C3orf70: variants seen among roughly 807,000 people sequenced by gnomAD.
The protein encoded by C3orf70 is chromosome 3 open reading frame 70.
Under a neutral mutation model 20.7 loss-of-function variants are expected in C3orf70, and 15 were observed. The ratio of observed to expected loss-of-function variants is 0.72; its 90% CI spans 0.48 to 1.11. The LOEUF (loss-of-function observed/expected upper bound fraction) is 1.11. Among genes scored for constraint, C3orf70 ranks in the 50% most tolerant of loss-of-function variants. The probability of loss-of-function intolerance (pLI) is 0.00; values close to 1 mark genes in which losing one functional copy is unlikely to be tolerated. For synonymous variants in C3orf70, 161 were observed against 125.7 expected, an observed-to-expected ratio of 1.28 and a Z score of -1.88; for missense variants, 332 against 317.6, an observed-to-expected ratio of 1.05 and a Z score of -0.34.
intron 1 of C3orf70, among the ~76,000 whole-genome samples, chr3:185,108,934 C>T (rs866045048): frequency 4.6e-5 from 7 of 152,282 alleles, no homozygotes; most frequent in Non-Finnish European, 8.8e-5. Flanking sequence ...CAGTGTTTTG[C>T]GGTGATGGGC....
intron 1 of C3orf70, among the ~76,000 whole-genome samples, chr3:185,113,152 T>C (rs1403686643): frequency 1.3e-5 from 2 of 151,982 alleles, no homozygotes; most frequent in Admixed American, 6.6e-5. Flanking sequence ...AGAAAGTTAA[T>C]GGCAATGTAG....
At chr3:185,086,602 C>T (rs1030303161) in intron 1 of C3orf70, among the ~76,000 whole-genome samples, 1 of 152,164 alleles carries the variant, frequency 6.6e-6, no homozygotes, top group Non-Finnish European at 1.5e-5. Flanking sequence ...GAGAAATACA[C>T]GTTTGTTGTT....
At chr3:185,136,922 AACAACAAC>A (rs1173685833) in intron 1 of C3orf70, among the ~76,000 whole-genome samples, 1 of 51,578 alleles carries the variant, frequency 1.9e-5, no homozygotes, top group African/African-American at 4.4e-5. Context: ...CAACAACAAC[AACAACAAC>A]AACAACAACA....
At chr3:185,127,664 T>G (rs1169218520) in intron 1 of C3orf70, among the ~76,000 whole-genome samples, 1 of 152,128 alleles carries the variant, frequency 6.6e-6, no homozygotes, top group African/African-American at 2.4e-5. Context: ...GGTCTCGAAC[T>G]CCTGACCTCA....
chr3:185,095,572 A>G (rs1245303079), intron 1 of C3orf70, among the ~76,000 whole-genome samples: 2 of 152,336 alleles, frequency 1.3e-5, no homozygotes, highest in South Asian at 2.1e-4. Flanking sequence ...AAGAAAAAGA[A>G]GATCTTGAAG....
intron 1 of C3orf70, among the ~76,000 whole-genome samples, chr3:185,127,731 T>C (rs1577330608): frequency 6.6e-6 from 1 of 152,054 alleles, no homozygotes. Context: ...TGAGCCACCA[T>C]GACCGGCCAC....
At chr3:185,099,450 A>G (rs994749467) in intron 1 of C3orf70, among the ~76,000 whole-genome samples, 1 of 152,328 alleles carries the variant, frequency 6.6e-6, no homozygotes, top group East Asian at 1.9e-4. Context: ...CCAACACAGA[A>G]TTTCATATCC....
At position 185,115,159 on chromosome 3, in the gene C3orf70, T is replaced by A. The variant is rs78983968; in HGVS notation, c.197-31596A>T. ...GATGGTACTCTGGCATATATTTTTT[T>A]AAAAGCTTCTCAAGTGACTCCAATG... On this transcript the variant is annotated intron_variant, in intron 1 of 1. Coordinates refer to ENST00000335012, the MANE Select transcript of C3orf70 (RefSeq NM_001025266.3). Among the ~76,000 whole-genome samples, 1,071 of 152,304 alleles carry A rather than the reference T, an allele frequency of 7.0e-3. 18 individuals carry two copies. Among genetic ancestry groups the A allele is most frequent in the African/African-American group, 0.025 (1,029 of 41,568 alleles).
At chr3:185,093,779 G>C (rs972243679) in intron 1 of C3orf70, among the ~76,000 whole-genome samples, 2 of 151,906 alleles carry the variant, frequency 1.3e-5, no homozygotes, top group African/African-American at 4.8e-5. Flanking sequence ...ATAATGGGGG[G>C]CGGGGGGACG....
chr3:185,102,362 A>G (rs1183790976), intron 1 of C3orf70, among the ~76,000 whole-genome samples: 1 of 152,216 alleles, frequency 6.6e-6, no homozygotes, highest in African/African-American at 2.4e-5. Flanking sequence ...GGGAGGTGAA[A>G]GATCTCTCCA....
intron 1 of C3orf70, among the ~76,000 whole-genome samples, chr3:185,102,374 G>A (rs140658402): frequency 1.3e-5 from 2 of 152,188 alleles, no homozygotes; most frequent in East Asian, 3.9e-4. Flanking sequence ...ATCTCTCCAA[G>A]GAGAACTACA....
chr3:185,107,437 T>C (rs1374729781), intron 1 of C3orf70, among the ~76,000 whole-genome samples: 2 of 152,136 alleles, frequency 1.3e-5, no homozygotes, highest in Non-Finnish European at 2.9e-5. Flanking sequence ...GGTATGGGAC[T>C]AGAAAAAAAT....
chr3:185,108,392 G>A (rs1326375168), intron 1 of C3orf70, among the ~76,000 whole-genome samples: 7 of 152,102 alleles, frequency 4.6e-5, no homozygotes, highest in South Asian at 2.1e-4. Context: ...TTCTTCATAC[G>A]TGGTTCATGC....
chr3:185,112,753 A>C (rs1035665831), intron 1 of C3orf70, among the ~76,000 whole-genome samples: 7 of 152,056 alleles, frequency 4.6e-5, no homozygotes, highest in African/African-American at 1.7e-4. Flanking sequence ...ACCCAATCTA[A>C]TTCTCCTCCC....
intron 1 of C3orf70, among the ~76,000 whole-genome samples, chr3:185,144,558 A>C (rs1408835270): frequency 6.6e-6 from 1 of 152,048 alleles, no homozygotes; most frequent in Non-Finnish European, 1.5e-5. Flanking sequence ...TGCAACCTCC[A>C]CCTCCCAGGT....
At chr3:185,143,123 T>C (rs1481967393) in intron 1 of C3orf70, among the ~76,000 whole-genome samples, 1 of 152,188 alleles carries the variant, frequency 6.6e-6, no homozygotes, top group Non-Finnish European at 1.5e-5. Flanking sequence ...GTATTGTGGT[T>C]ACATAGAAAA....
chr3:185,132,239 A>G (rs566480990), intron 1 of C3orf70, among the ~76,000 whole-genome samples: 109 of 152,322 alleles, frequency 7.2e-4, no homozygotes, highest in African/African-American at 2.6e-3. Context: ...AATCCAGTGA[A>G]TCAGATCTGC....
chr3:185,132,667 C>CAGA (rs1362678514), intron 1 of C3orf70, among the ~76,000 whole-genome samples: 1 of 151,972 alleles, frequency 6.6e-6, no homozygotes, highest in African/African-American at 2.4e-5. Flanking sequence ...ATCAAAGTTC[C>CAGA]AGAAGAAGAA....
chr3:185,140,385 T>G (rs1160172540), intron 1 of C3orf70, among the ~76,000 whole-genome samples: 1 of 151,916 alleles, frequency 6.6e-6, no homozygotes, highest in Non-Finnish European at 1.5e-5. Context: ...AAAAATCCAA[T>G]TAGAAAAGGA....
Sources: allele counts gnomAD v4.1 joint callset (sites outside exome capture counted in the v4.1 genomes callset), GRCh38; gene constraint gnomAD v4.1.1; transcripts MANE v1.5; gene names NCBI Gene and HGNC (gene_info 2026-07-23, HGNC 2026-07-21).